The following ZNF169 variants were observed in gnomAD, a reference collection of about 807,000 sequenced individuals.
The protein encoded by ZNF169 is zinc finger protein 169.
Under a neutral mutation model 12.0 loss-of-function variants are expected in ZNF169, and 11 were observed. That is an observed-to-expected ratio of 0.92 (90% CI 0.58 to 1.52). The LOEUF is 1.52. Among genes scored for constraint, ZNF169 ranks in the 40% most tolerant of loss-of-function variants. The pLI is 0.00. For synonymous variants in ZNF169, 302 were observed against 286.5 expected, an observed-to-expected ratio of 1.05 and a Z score of -0.55; for missense variants, 722 against 744.0, an observed-to-expected ratio of 0.97 and a Z score of 0.34.
At position 94,300,344 on chromosome 9, in the gene ZNF169, C is replaced by G; in HGVS notation, c.786C>G (p.Tyr262Ter). Residue 262 changes from tyrosine (Y) to a stop codon, truncating the protein, a stop_gained, in exon 5 of 5, where the codon TAC becomes TAG. Coordinates refer to ENST00000395395, the MANE Select transcript of ZNF169 (RefSeq NM_194320.4). LOFTEE classifies it low-confidence loss of function (END_TRUNC). ...HQRTHTGEKPYLCPECGRRFS... is the reference protein window; with the variant it reads ...HQRTHTGEKP ...GGACACACACCGGGGAGAAGCCATACCTGTGTCCTGAGTGTGGGCGTCGGT... is the reference window on the plus strand; with the variant it reads ...GGACACACACCGGGGAGAAGCCATAGCTGTGTCCTGAGTGTGGGCGTCGGT... 1 of 1,614,028 alleles carries G rather than the reference C, an allele frequency of 6.2e-7. No individual in the cohort carries two copies. The highest frequency in any genetic ancestry group is 8.5e-7 in the Non-Finnish European group (1 of 1,179,988).
At chr9:94,297,036 G>C (rs1007518514) in intron 4 of ZNF169, among the ~76,000 whole-genome samples, 1 of 152,006 alleles carries the variant, frequency 6.6e-6, no homozygotes, top group African/African-American at 2.4e-5. Context: ...AACAGTGCGA[G>C]ACTCCATCTC....
At chr9:94,286,131 A>T (rs904222264) in intron 2 of ZNF169, among the ~76,000 whole-genome samples, 1 of 152,136 alleles carries the variant, frequency 6.6e-6, no homozygotes, top group African/African-American at 2.4e-5. Flanking sequence ...ATGTCTGTTG[A>T]CTAGCCCCAT....
chr9:94,283,479 G>T (rs1830674579), intron 2 of ZNF169, among the ~76,000 whole-genome samples: 1 of 152,128 alleles, frequency 6.6e-6, no homozygotes, highest in South Asian at 2.1e-4. Flanking sequence ...TAATGAGCTG[G>T]CAAAAACTGT....
intron 1 of ZNF169, among the ~76,000 whole-genome samples, chr9:94,272,355 A>G (rs1830438267): frequency 6.6e-6 from 1 of 152,098 alleles, no homozygotes; most frequent in African/African-American, 2.4e-5. Context: ...TATACTGTAT[A>G]ATATTGTTAA....
chr9:94,261,019 G>GC (rs550228451), intron 1 of ZNF169, among the ~76,000 whole-genome samples: 1,538 of 140,662 alleles, frequency 0.011, 8 homozygotes, highest in Non-Finnish European at 0.014. Flanking sequence ...GACGGGGTTT[G>GC]TTTTTTGTTT....
At chr9:94,293,092 G>A in intron 4 of ZNF169, 23 bp downstream of exon 4, 2 of 1,599,566 alleles carry the variant, frequency 1.3e-6, no homozygotes, top group Non-Finnish European at 1.7e-6. Flanking sequence ...CCCTGGGCAA[G>A]CGAGGGTGCA....
chr9:94,285,254 A>G (rs1830703065), intron 2 of ZNF169, among the ~76,000 whole-genome samples: 1 of 152,210 alleles, frequency 6.6e-6, no homozygotes, highest in Admixed American at 6.5e-5. Context: ...GGTTTTAAGA[A>G]TAAGTATATG....
chr9:94,264,769 G>A (rs543786411), intron 1 of ZNF169, among the ~76,000 whole-genome samples: 5 of 152,184 alleles, frequency 3.3e-5, no homozygotes, highest in African/African-American at 1.2e-4. Flanking sequence ...GCCTTTCCTA[G>A]AATTCCATGT....
At chr9:94,263,838 T>G (rs1186549454) in intron 1 of ZNF169, among the ~76,000 whole-genome samples, 1 of 152,122 alleles carries the variant, frequency 6.6e-6, no homozygotes, top group Non-Finnish European at 1.5e-5. Context: ...TTGAATTTTT[T>G]TTTTTTTTTA....
intron 1 of ZNF169, among the ~76,000 whole-genome samples, chr9:94,268,135 G>A (rs1449658066): frequency 6.6e-6 from 1 of 151,944 alleles, no homozygotes; most frequent in Non-Finnish European, 1.5e-5. Context: ...CTCCCAAAGT[G>A]CTGGGATTAC....
intron 1 of ZNF169, among the ~76,000 whole-genome samples, chr9:94,273,673 G>A (rs1317496678): frequency 6.2e-5 from 9 of 144,230 alleles, no homozygotes; most frequent in Admixed American, 2.2e-4. Context: ...TCCGCCTCCC[G>A]GGTTCACGCC....
At chr9:94,273,387 C>T (rs1383860986) in intron 1 of ZNF169, among the ~76,000 whole-genome samples, 1 of 150,750 alleles carries the variant, frequency 6.6e-6, no homozygotes, top group African/African-American at 2.4e-5. Context: ...TTGCAAACAC[C>T]CTTTGACTTT....
At chr9:94,272,291 T>G (rs1830437584) in intron 1 of ZNF169, among the ~76,000 whole-genome samples, 1 of 152,108 alleles carries the variant, frequency 6.6e-6, no homozygotes, top group South Asian at 2.1e-4. Flanking sequence ...TTTTTTAAAT[T>G]ACTGTGGCAA....
intron 2 of ZNF169, among the ~76,000 whole-genome samples, chr9:94,281,837 G>A (rs1452902100): frequency 1.3e-5 from 2 of 152,190 alleles, no homozygotes; most frequent in African/African-American, 4.8e-5. Flanking sequence ...AAGAGTTCAG[G>A]TTAAGATAAA....
In ZNF169 at chr9:94,300,497, C is replaced by A; in HGVS notation, c.939C>A (p.Ser313=). The A allele has an allele frequency of 6.2e-7, 1 of 1,614,136 alleles. No individual in the cohort carries two copies. The highest frequency in any genetic ancestry group is 8.5e-7 in the Non-Finnish European group (1 of 1,180,024). ...TCACTAATCACAAGAGGATTCACTC[C>A]GGGGAGAGGCCCTTTGTATGTCAGG... The part of the protein sequence containing the change: ...SSLTNHKRIH[S]GERPFVCQEC... Residue 313 remains serine (S), a synonymous_variant, in exon 5 of 5, where the codon TCC becomes TCA. Coordinates refer to ENST00000395395, the MANE Select transcript of ZNF169 (RefSeq NM_194320.4).
At chr9:94,263,975 T>C (rs1378967140) in intron 1 of ZNF169, among the ~76,000 whole-genome samples, 1 of 152,204 alleles carries the variant, frequency 6.6e-6, no homozygotes, top group Non-Finnish European at 1.5e-5. Flanking sequence ...CTTCACAGTC[T>C]ATGTAATGTC....
chr9:94,264,727 G>A (rs1830260638), intron 1 of ZNF169, among the ~76,000 whole-genome samples: 1 of 152,140 alleles, frequency 6.6e-6, no homozygotes, highest in Admixed American at 6.6e-5. Flanking sequence ...ATATTGTTGT[G>A]TAACTGATTT....
Position 94,293,045 on chromosome 9 carries a change from G to A in ZNF169, c.232G>A (p.Glu78Lys), listed in dbSNP as rs35177967. Residue 78 changes from glutamate to lysine, a missense_variant, in exon 4 of 5, where the codon GAA becomes AAA. Coordinates refer to ENST00000395395, the MANE Select transcript of ZNF169 (RefSeq NM_194320.4). ...CGACGAACCTTGGAGAGAGGAGAAC[G>A]AACATCTTCTGGACCTTTGTCCAGG... ...QGDEPWREEN[E>K]HLLDLCPEPR... is the part of the protein sequence containing the mutation. The A allele has an allele frequency of 0.1, 164,035 of 1,612,968 alleles. 9,481 individuals are homozygous for A. Among genetic ancestry groups the A allele is most frequent in the South Asian group, 0.14 (12,403 of 90,820 alleles).
At chr9:94,263,046 C>G (rs953468996) in intron 1 of ZNF169, among the ~76,000 whole-genome samples, 2 of 152,140 alleles carry the variant, frequency 1.3e-5, no homozygotes, top group African/African-American at 4.8e-5. Flanking sequence ...ACCATGGGCC[C>G]TTTAAAAGCA....
Sources: gnomAD v4.1 joint callset for allele counts (sites outside exome capture counted in the v4.1 genomes callset) on GRCh38, gnomAD v4.1.1 for gene constraint, MANE v1.5 for transcripts, NCBI Gene and HGNC (gene_info 2026-07-23, HGNC 2026-07-21) for gene names.